Variants in GCH1 observed in about 807,000 individuals in gnomAD.
GCH1 encodes GTP cyclohydrolase 1, also known as GTP cyclohydrolase I.
GCH1 carries 5 observed loss-of-function variants against 25.9 expected under a neutral mutation model. That is an observed-to-expected ratio of 0.19 (90% CI 0.10 to 0.41). GCH1 has a LOEUF of 0.41. Among genes scored for constraint, GCH1 ranks in the 10% least tolerant of loss-of-function variants. GCH1 has a pLI of 1.00. For missense variants in GCH1, 261 were observed against 336.5 expected, an observed-to-expected ratio of 0.78 and a Z score of 1.75; for synonymous variants, 159 against 129.6, an observed-to-expected ratio of 1.23 and a Z score of -1.54.
At chr14:54,866,530 A>C (rs1259602330) in intron 1 of GCH1, among the ~76,000 whole-genome samples, 1 of 151,826 alleles carries the variant, frequency 6.6e-6, no homozygotes, top group Admixed American at 6.6e-5. Flanking sequence ...GTAGCTGAGT[A>C]ATTTCAAGGA....
chr14:54,870,228 T>C (rs750440955), intron 1 of GCH1, among the ~76,000 whole-genome samples: 1 of 149,870 alleles, frequency 6.7e-6, no homozygotes, highest in Non-Finnish European at 1.5e-5. Flanking sequence ...CTGGGTGCGG[T>C]GGCTCACATC....
chr14:54,899,951 G>A (rs1007213899), intron 1 of GCH1, among the ~76,000 whole-genome samples: 4 of 144,574 alleles, frequency 2.8e-5, no homozygotes, highest in African/African-American at 7.7e-5. Context: ...TGCAACCTCC[G>A]CCTCCAGGGT....
chr14:54,847,823 T>C (rs973218928), intron 3 of GCH1, among the ~76,000 whole-genome samples: 2 of 151,656 alleles, frequency 1.3e-5, no homozygotes, highest in African/African-American at 2.4e-5. Context: ...AAAACAGAGA[T>C]GAGTAACAAA....
At chr14:54,876,555 C>T (rs888698984) in intron 1 of GCH1, among the ~76,000 whole-genome samples, 1 of 151,956 alleles carries the variant, frequency 6.6e-6, no homozygotes, top group Non-Finnish European at 1.5e-5. Flanking sequence ...GCTATTCAGG[C>T]GGCTGAAGCA....
chr14:54,856,750 G>C (rs778122434), intron 3 of GCH1, among the ~76,000 whole-genome samples: 4 of 152,158 alleles, frequency 2.6e-5, no homozygotes, highest in Admixed American at 6.5e-5. Flanking sequence ...ACCTCACCCA[G>C]CCGAGGCTCA....
intron 1 of GCH1, among the ~76,000 whole-genome samples, chr14:54,877,427 C>G (rs2040178047): frequency 6.6e-6 from 1 of 152,192 alleles, no homozygotes; most frequent in African/African-American, 2.4e-5. Context: ...TAACATCCCT[C>G]AAGTATTTAG....
intron 3 of GCH1, chr14:54,859,458 G>A: frequency 1.8e-6 from 1 of 563,206 alleles, no homozygotes; most frequent in Non-Finnish European, 3.2e-6. Flanking sequence ...CAGGATGTAT[G>A]TATCTATGGA....
At chr14:54,847,465 C>T (rs2039659590) in intron 3 of GCH1, among the ~76,000 whole-genome samples, 1 of 152,114 alleles carries the variant, frequency 6.6e-6, no homozygotes. Context: ...ACAAAGCAGG[C>T]AGAAATATAT....
intron 3 of GCH1, among the ~76,000 whole-genome samples, chr14:54,847,666 T>TTATATATATA (rs148059269): frequency 1.6e-3 from 244 of 148,520 alleles, no homozygotes; most frequent in Non-Finnish European, 2.9e-3. Flanking sequence ...AAACTCCCCT[T>TTATATATATA]TATATATATA....
chr14:54,865,205 T>C (rs1443972123), intron 2 of GCH1, 122 bp downstream of exon 2: 2 of 635,402 alleles, frequency 3.1e-6, no homozygotes, highest in Non-Finnish European at 5.6e-6. Context: ...TAACCATATA[T>C]GTATAATTGT....
At chr14:54,858,725 C>CCACA (rs199807806) in intron 3 of GCH1, among the ~76,000 whole-genome samples, 17 of 151,038 alleles carry the variant, frequency 1.1e-4, no homozygotes, top group African/African-American at 1.7e-4. Context: ...CTCTCTCTCT[C>CCACA]CACACACACA....
At chr14:54,876,034 A>G (rs2040154405) in intron 1 of GCH1, among the ~76,000 whole-genome samples, 1 of 152,236 alleles carries the variant, frequency 6.6e-6, no homozygotes, top group Non-Finnish European at 1.5e-5. Context: ...GCTACTATAA[A>G]GACACATGCA....
rs112074423 is a variant in GCH1, at chr14:54,890,742, T to G, written c.343+11579A>C. Reference sequence around the variant, plus strand: ...ATGAATGTTAGTGTATGCCTTTTATTGAAAAACACTTAGACCATAATCTCT... The same window carrying G: ...ATGAATGTTAGTGTATGCCTTTTATGGAAAAACACTTAGACCATAATCTCT... On this transcript the variant is annotated intron_variant, in intron 1 of 5. Transcript: ENST00000491895. Among the ~76,000 whole-genome samples the G allele has an allele frequency of 9.2e-3, 1,396 of 152,334 alleles. 7 individuals carry two copies. The highest frequency in any genetic ancestry group is 0.014 in the Non-Finnish European group (985 of 68,018).
chr14:54,861,103 C>T (rs1054900949), intron 2 of GCH1, among the ~76,000 whole-genome samples: 4 of 152,136 alleles, frequency 2.6e-5, no homozygotes, highest in African/African-American at 9.7e-5. Context: ...AGAGACTCAA[C>T]GGCATCATGG....
chr14:54,858,621 T>G (rs2039850046), intron 3 of GCH1, among the ~76,000 whole-genome samples: 1 of 151,832 alleles, frequency 6.6e-6, no homozygotes, highest in Non-Finnish European at 1.5e-5. Flanking sequence ...ATGGTCACTA[T>G]AACCTCAAGT....
intron 1 of GCH1, among the ~76,000 whole-genome samples, chr14:54,900,501 G>A (rs1229205613): frequency 6.6e-6 from 1 of 152,140 alleles, no homozygotes; most frequent in East Asian, 1.9e-4. Flanking sequence ...CGTGAGCACC[G>A]AGCTCGGCCA....
intron 1 of GCH1, among the ~76,000 whole-genome samples, chr14:54,897,010 GT>G (rs1303006172): frequency 3.0e-4 from 34 of 114,888 alleles, no homozygotes; most frequent in South Asian, 8.3e-4. Flanking sequence ...TCCACTTTTT[GT>G]TTTTTTTTTT....
intron 1 of GCH1, among the ~76,000 whole-genome samples, chr14:54,875,606 T>A (rs1490303242): frequency 2.0e-5 from 3 of 152,010 alleles, no homozygotes; most frequent in African/African-American, 7.2e-5. Context: ...GAATCTACAA[T>A]GAACTCAAAC....
chr14:54,858,031 A>G (rs2039838154), intron 3 of GCH1, among the ~76,000 whole-genome samples: 1 of 152,196 alleles, frequency 6.6e-6, no homozygotes, highest in Non-Finnish European at 1.5e-5. Context: ...TGTCTCTTCT[A>G]CCCACTTTCT....
Sources: gnomAD v4.1 joint callset for allele counts (sites outside exome capture counted in the v4.1 genomes callset) on GRCh38, gnomAD v4.1.1 for gene constraint, MANE v1.5 for transcripts, NCBI Gene and HGNC (gene_info 2026-07-23, HGNC 2026-07-21) for gene names.